The following GRID2 variants were observed in gnomAD, a reference collection of about 807,000 sequenced individuals.
GRID2 encodes glutamate ionotropic receptor delta type subunit 2.
Under a neutral mutation model 114.8 loss-of-function variants are expected in GRID2, and 33 were observed. The observed-to-expected ratio is 0.29, with a 90% CI of 0.22 to 0.38. The LOEUF (loss-of-function observed/expected upper bound fraction) is 0.38, where lower values mean the gene tolerates loss of function less well. Among genes scored for constraint, GRID2 ranks in the 10% least tolerant of loss-of-function variants. The pLI is 1.00. For missense variants in GRID2, 1,184 were observed against 1,257.7 expected (o/e 0.94, Z 0.89); for synonymous variants, 505 against 449.9 (o/e 1.12, Z -1.55).
chr4:92,655,515 T>A (rs1732180326), intron 2 of GRID2, among the ~76,000 whole-genome samples: 1 of 151,938 alleles, frequency 6.6e-6, no homozygotes, highest in Admixed American at 6.6e-5. Flanking sequence ...GAGCATGGGT[T>A]GTCTTTCCAT....
intron 8 of GRID2, among the ~76,000 whole-genome samples, chr4:93,244,532 A>G (rs371579217): frequency 4.5e-3 from 87 of 19,258 alleles, no homozygotes; most frequent in Non-Finnish European, 5.9e-3. Context: ...AATAGATTAT[A>G]TAATCTATTA....
chr4:93,777,380 A>G (rs533365240), downstream of GRID2, among the ~76,000 whole-genome samples: 1 of 152,298 alleles, frequency 6.6e-6, no homozygotes, highest in African/African-American at 2.4e-5. Context: ...AATTTTTTTC[A>G]TATCTAAGAG....
At chr4:93,619,049 T>A (rs558372904) in intron 13 of GRID2, among the ~76,000 whole-genome samples, 67 of 152,346 alleles carry the variant, frequency 4.4e-4, no homozygotes, top group South Asian at 1.7e-3. Flanking sequence ...TTGATTTTTT[T>A]AAAAAAGTTG....
At chr4:93,335,266 A>T (rs1411820289) in intron 8 of GRID2, among the ~76,000 whole-genome samples, 1 of 152,194 alleles carries the variant, frequency 6.6e-6, no homozygotes, top group Admixed American at 6.5e-5. Context: ...AAAGTCAATG[A>T]TCTAATAACA....
intron 8 of GRID2, among the ~76,000 whole-genome samples, chr4:93,306,666 T>C (rs1422039973): frequency 6.6e-6 from 1 of 152,146 alleles, no homozygotes; most frequent in Non-Finnish European, 1.5e-5. Context: ...ATGGGGATTA[T>C]TTACTGTTAT....
chr4:93,374,764 C>G (rs1466204830), intron 8 of GRID2, among the ~76,000 whole-genome samples: 1 of 152,064 alleles, frequency 6.6e-6, no homozygotes. Context: ...ATTTTCCTCA[C>G]AACTATATGA....
chr4:92,409,117 C>T (rs1037946706), intron 1 of GRID2, among the ~76,000 whole-genome samples: 16 of 152,086 alleles, frequency 1.1e-4, no homozygotes, highest in African/African-American at 3.1e-4. Flanking sequence ...TCATATATGG[C>T]TCTTATTATT....
At chr4:93,069,496 G>A (rs1728621614) in intron 2 of GRID2, among the ~76,000 whole-genome samples, 1 of 151,890 alleles carries the variant, frequency 6.6e-6, no homozygotes, top group African/African-American at 2.4e-5. Flanking sequence ...ACTGACTCTA[G>A]TAGCACCCAA....
chr4:92,868,015 G>A (rs1744998748), intron 2 of GRID2, among the ~76,000 whole-genome samples: 1 of 140,142 alleles, frequency 7.1e-6, no homozygotes, highest in African/African-American at 2.7e-5. Context: ...ATACTGAAAG[G>A]TTTTCTTTCT....
At chr4:93,478,964 A>G (rs1295654867) in intron 11 of GRID2, among the ~76,000 whole-genome samples, 1 of 152,092 alleles carries the variant, frequency 6.6e-6, no homozygotes, top group Non-Finnish European at 1.5e-5. Context: ...AACTGAAATA[A>G]CAATTATATT....
intron 11 of GRID2, among the ~76,000 whole-genome samples, chr4:93,475,908 G>T (rs1374078104): frequency 6.6e-6 from 1 of 152,096 alleles, no homozygotes; most frequent in African/African-American, 2.4e-5. Flanking sequence ...CTACAGAGTG[G>T]CAGGTTCTGA....
intron 2 of GRID2, among the ~76,000 whole-genome samples, chr4:92,773,926 C>A (rs1160992230): frequency 3.3e-5 from 5 of 152,032 alleles, no homozygotes; most frequent in Non-Finnish European, 7.4e-5. Context: ...TTTAAAAGCC[C>A]TTCTACATTC....
chr4:93,110,485 A>C (rs1002586240), intron 3 of GRID2, among the ~76,000 whole-genome samples: 5 of 152,104 alleles, frequency 3.3e-5, no homozygotes, highest in African/African-American at 1.2e-4. Flanking sequence ...CTCACCCAAC[A>C]TTTCTAGGAT....
At chr4:93,600,696 A>G (rs1290010956) in intron 13 of GRID2, among the ~76,000 whole-genome samples, 1 of 152,214 alleles carries the variant, frequency 6.6e-6, no homozygotes, top group Non-Finnish European at 1.5e-5. Flanking sequence ...CCTATGACTT[A>G]GCAGTTCCAA....
chr4:93,221,467 A>C (rs148260196), intron 6 of GRID2, among the ~76,000 whole-genome samples: 1 of 152,120 alleles, frequency 6.6e-6, no homozygotes, highest in East Asian at 1.9e-4. Flanking sequence ...TATGTGACAT[A>C]CTGGAGTCTA....
intron 1 of GRID2, among the ~76,000 whole-genome samples, chr4:92,358,551 G>A (rs1728456467): frequency 6.6e-6 from 1 of 151,802 alleles, no homozygotes; most frequent in African/African-American, 2.4e-5. Flanking sequence ...ATAACATTGG[G>A]AACTTAAGGG....
intron 8 of GRID2, among the ~76,000 whole-genome samples, chr4:93,252,553 C>T (rs1749088204): frequency 6.6e-6 from 1 of 151,920 alleles, no homozygotes; most frequent in Non-Finnish European, 1.5e-5. Flanking sequence ...CCATTTGGCT[C>T]TTCTTTGGTT....
At chr4:93,354,636 A>G (rs1401727909) in intron 8 of GRID2, among the ~76,000 whole-genome samples, 1 of 150,466 alleles carries the variant, frequency 6.6e-6, no homozygotes, top group African/African-American at 2.4e-5. Flanking sequence ...GTAGGTATAA[A>G]GTTCAGATTA....
At chr4:92,941,580 C>A (rs1054052536) in intron 2 of GRID2, among the ~76,000 whole-genome samples, 6 of 152,040 alleles carry the variant, frequency 3.9e-5, no homozygotes, top group African/African-American at 1.4e-4. Context: ...CAGTTCTGCT[C>A]TGATCTTAAT....
Sources: gnomAD v4.1 joint callset for allele counts (sites outside exome capture counted in the v4.1 genomes callset) on GRCh38, gnomAD v4.1.1 for gene constraint, MANE v1.5 for transcripts, NCBI Gene and HGNC (gene_info 2026-07-23, HGNC 2026-07-21) for gene names.